Variants in HSD17B12 observed in about 807,000 individuals in gnomAD.
HSD17B12 encodes hydroxysteroid 17-beta dehydrogenase 12.
Under a neutral mutation model 39.3 loss-of-function variants are expected in HSD17B12, and 32 were observed. That is an observed-to-expected ratio of 0.81 (90% CI 0.61 to 1.09). The LOEUF (loss-of-function observed/expected upper bound fraction) is 1.09. Ranked by LOEUF, HSD17B12 falls within the 50% of genes least tolerant of loss-of-function variation. The pLI, the probability that HSD17B12 is intolerant of heterozygous loss-of-function variation, is 0.00. For synonymous variants in HSD17B12, 150 were observed against 146.7 expected (o/e 1.02, Z -0.16); for missense variants, 342 against 382.9 (o/e 0.89, Z 0.89).
At chr11:43,800,904 C>T (rs987606269) in intron 4 of HSD17B12, among the ~76,000 whole-genome samples, 3 of 151,978 alleles carry the variant, frequency 2.0e-5, no homozygotes, top group Non-Finnish European at 2.9e-5. Context: ...TTTGGGAGGC[C>T]AAGGCGAGAG....
chr11:43,580,068 G>GA, the HSD17B12 span, among the ~76,000 whole-genome samples: 26 of 39,386 alleles, frequency 6.6e-4, no homozygotes, highest in Admixed American at 1.7e-3. Flanking sequence ...GGTACTAATG[G>GA]GGGGGGGGAG....
chr11:43,810,786 G>C (rs1206218973), intron 4 of HSD17B12, among the ~76,000 whole-genome samples: 3 of 152,122 alleles, frequency 2.0e-5, no homozygotes, highest in Non-Finnish European at 4.4e-5. Flanking sequence ...TTTCCTGAGA[G>C]ACATCATGTG....
At chr11:43,558,664 C>T in the HSD17B12 span, among the ~76,000 whole-genome samples, 1 of 151,916 alleles carries the variant, frequency 6.6e-6, no homozygotes, top group African/African-American at 2.4e-5. Context: ...GACGAGGGTT[C>T]TTTGGACTGG....
At chr11:43,837,491 T>A (rs1410738701) in intron 7 of HSD17B12, among the ~76,000 whole-genome samples, 1 of 152,186 alleles carries the variant, frequency 6.6e-6, no homozygotes, top group Admixed American at 6.6e-5. Flanking sequence ...TACATACTTT[T>A]TAACAACTGG....
intron 6 of HSD17B12, among the ~76,000 whole-genome samples, chr11:43,822,561 C>T (rs982285766): frequency 6.6e-6 from 1 of 152,098 alleles, no homozygotes; most frequent in Non-Finnish European, 1.5e-5. Flanking sequence ...CAATTCCCAC[C>T]TGTGAGTGAG....
chr11:43,811,001 C>T (rs1021117765), intron 4 of HSD17B12, among the ~76,000 whole-genome samples: 2 of 152,066 alleles, frequency 1.3e-5, no homozygotes, highest in Admixed American at 1.3e-4. Context: ...ATAATGAATC[C>T]TGTAATATGT....
intron 7 of HSD17B12, among the ~76,000 whole-genome samples, chr11:43,837,736 G>A (rs1224478222): frequency 6.6e-6 from 1 of 152,122 alleles, no homozygotes; most frequent in Non-Finnish European, 1.5e-5. Flanking sequence ...GACAGTAGAA[G>A]TAGAATCTAC....
At chr11:43,605,054 T>C in the HSD17B12 span, among the ~76,000 whole-genome samples, 1 of 152,180 alleles carries the variant, frequency 6.6e-6, no homozygotes, top group African/African-American at 2.4e-5. Flanking sequence ...AGAGTAATAC[T>C]TGGCCAGGCT....
At chr11:43,621,349 G>A in the HSD17B12 span, among the ~76,000 whole-genome samples, 1 of 152,256 alleles carries the variant, frequency 6.6e-6, no homozygotes, top group South Asian at 2.1e-4. Flanking sequence ...CCATGCTGTG[G>A]TTACCAGACA....
At chr11:43,799,565 G>A (rs1950946442) in intron 4 of HSD17B12, among the ~76,000 whole-genome samples, 1 of 151,692 alleles carries the variant, frequency 6.6e-6, no homozygotes, top group Non-Finnish European at 1.5e-5. Flanking sequence ...TTTCTAGAAA[G>A]AAACAGGGCA....
At chr11:43,580,591 CT>C in the HSD17B12 span, among the ~76,000 whole-genome samples, 2 of 152,024 alleles carry the variant, frequency 1.3e-5, no homozygotes, top group Non-Finnish European at 2.9e-5. Context: ...TTATGTTCAT[CT>C]TTGTCATTTT....
chr11:43,625,068 G>T, the HSD17B12 span, among the ~76,000 whole-genome samples: 1 of 151,562 alleles, frequency 6.6e-6, no homozygotes, highest in African/African-American at 2.4e-5. Context: ...AATTTAAAGG[G>T]CAGTTTTACA....
At chr11:43,763,183 C>T (rs551118241) in intron 3 of HSD17B12, among the ~76,000 whole-genome samples, 3 of 152,120 alleles carry the variant, frequency 2.0e-5, no homozygotes, top group South Asian at 2.1e-4. Context: ...AGAGACTAAT[C>T]GTTATACTGA....
At chr11:43,827,632 C>G (rs1443777651) in intron 6 of HSD17B12, among the ~76,000 whole-genome samples, 3 of 152,136 alleles carry the variant, frequency 2.0e-5, no homozygotes, top group Admixed American at 1.3e-4. Flanking sequence ...CACTTTTAGT[C>G]GTAACTGCAG....
At chr11:43,747,743 T>C (rs1195896476) in intron 1 of HSD17B12, among the ~76,000 whole-genome samples, 3 of 152,220 alleles carry the variant, frequency 2.0e-5, no homozygotes, top group African/African-American at 7.2e-5. Flanking sequence ...ATAGATTATG[T>C]GCATGACGGA....
the HSD17B12 span, among the ~76,000 whole-genome samples, chr11:43,580,862 T>C: frequency 1.3e-5 from 2 of 152,052 alleles, no homozygotes; most frequent in Admixed American, 1.3e-4. Flanking sequence ...TGGGTGACGA[T>C]TTTAGTCCGC....
At chr11:43,713,579 C>A (rs1351997717) in intron 1 of HSD17B12, among the ~76,000 whole-genome samples, 1 of 152,124 alleles carries the variant, frequency 6.6e-6, no homozygotes, top group Non-Finnish European at 1.5e-5. Flanking sequence ...AATAGTGCTG[C>A]AGTAAACATA....
At chr11:43,705,924 G>A (rs1037738719) in intron 1 of HSD17B12, among the ~76,000 whole-genome samples, 2 of 151,566 alleles carry the variant, frequency 1.3e-5, no homozygotes, top group Admixed American at 6.6e-5. Context: ...CATCTTTCCC[G>A]GTTAATTTTT....
chr11:43,662,266 T>G, the HSD17B12 span, among the ~76,000 whole-genome samples: 3 of 151,580 alleles, frequency 2.0e-5, no homozygotes, highest in Admixed American at 2.0e-4. Flanking sequence ...TGGTGCAATC[T>G]TAGCTCACTG....
Sources: allele counts gnomAD v4.1 joint callset (sites outside exome capture counted in the v4.1 genomes callset), GRCh38; gene constraint gnomAD v4.1.1; transcripts MANE v1.5; gene names NCBI Gene and HGNC (gene_info 2026-07-23, HGNC 2026-07-21).